Variants in CNTNAP2 observed in about 807,000 individuals in gnomAD.
The protein encoded by CNTNAP2 is contactin associated protein 2, also known as contactin-associated protein-like 2.
Under a neutral mutation model 155.2 loss-of-function variants are expected in CNTNAP2, and 98 were observed. That is an observed-to-expected ratio of 0.63 (90% CI 0.54 to 0.75). CNTNAP2 has a LOEUF of 0.75. CNTNAP2 is among the 30% of genes least tolerant of loss of function. The pLI is 0.00. For missense variants in CNTNAP2, 1,727 were observed against 1,688.1 expected (o/e 1.02, Z -0.40); for synonymous variants, 651 against 631.2 (o/e 1.03, Z -0.47).
chr7:146,251,107 A>T (rs959572457), intron 1 of CNTNAP2, among the ~76,000 whole-genome samples: 4 of 152,212 alleles, frequency 2.6e-5, no homozygotes, highest in African/African-American at 9.6e-5. Context: ...TCTAGTTTTT[A>T]TGACTAGCAG....
At chr7:147,963,633 C>T (rs1801152428) in intron 14 of CNTNAP2, among the ~76,000 whole-genome samples, 1 of 152,138 alleles carries the variant, frequency 6.6e-6, no homozygotes. Flanking sequence ...ATTCCTAAAA[C>T]ACCCAGACAC....
At chr7:147,531,091 T>C (rs1037896967) in intron 11 of CNTNAP2, among the ~76,000 whole-genome samples, 3 of 152,144 alleles carry the variant, frequency 2.0e-5, no homozygotes, top group African/African-American at 7.2e-5. Context: ...AAGGGGTGGG[T>C]TCCCATGGTC....
In CNTNAP2 at chr7:147,460,569, T is replaced by C. The variant is rs963952466; in HGVS notation, c.1671-25366T>C. On this transcript the variant is annotated intron_variant, in intron 10 of 23. Transcript: ENST00000361727. ...ACTTCCCCCTCAGCCAACTTTAATTTTGAAGTTAATCATTTTTAAATTGGG... is the reference window on the plus strand; with the variant it reads ...ACTTCCCCCTCAGCCAACTTTAATTCTGAAGTTAATCATTTTTAAATTGGG... 2.6e-5 allele frequency among the ~76,000 whole-genome samples: 4 copies of C among 152,238 alleles called. No homozygotes were observed. The East Asian group carries it at 5.8e-4, about 22-fold the overall frequency.
At chr7:147,992,447 AG>A (rs1214338138) in intron 15 of CNTNAP2, among the ~76,000 whole-genome samples, 1 of 152,136 alleles carries the variant, frequency 6.6e-6, no homozygotes, top group Non-Finnish European at 1.5e-5. Flanking sequence ...CTAATTCAAA[AG>A]TCGCCATGTG....
chr7:147,274,119 T>C (rs1483233594), intron 8 of CNTNAP2, among the ~76,000 whole-genome samples: 1 of 151,938 alleles, frequency 6.6e-6, no homozygotes, highest in Admixed American at 6.6e-5. Flanking sequence ...GTTGACTCCA[T>C]GACTTTGCTA....
At chr7:147,265,625 C>A (rs545948500) in intron 8 of CNTNAP2, among the ~76,000 whole-genome samples, 2 of 152,172 alleles carry the variant, frequency 1.3e-5, no homozygotes, top group Non-Finnish European at 2.9e-5. Context: ...GGGTTTCCCC[C>A]GAGCACAGCA....
chr7:147,107,828 A>G (rs1022371992), intron 4 of CNTNAP2, among the ~76,000 whole-genome samples: 7 of 152,166 alleles, frequency 4.6e-5, no homozygotes, highest in Admixed American at 6.6e-5. Context: ...TAAAAATTTT[A>G]CGATTTTGGT....
Position 147,903,704 on chromosome 7 carries a change from C to T in CNTNAP2, c.2238C>T (p.Asp746=), listed in dbSNP as rs375648820. ...CTDPKYYCNC[D]ADYKQWRKDA... ...ATCCCAAGTACTACTGTAACTGCGA[C>T]GCGGACTACAAGCAATGGTGAGTGC... Residue 746 remains aspartate, a synonymous_variant, in exon 14 of 24, where the codon GAC becomes GAT. Transcript: ENST00000361727. 18 of 1,613,688 alleles carry T rather than the reference C, an allele frequency of 1.1e-5. No homozygotes were observed. Among genetic ancestry groups the T allele is most frequent in the East Asian group, 6.7e-5 (3 of 44,826 alleles).
intron 8 of CNTNAP2, among the ~76,000 whole-genome samples, chr7:147,186,666 A>C (rs1802573458): frequency 6.6e-6 from 1 of 152,182 alleles, no homozygotes; most frequent in Non-Finnish European, 1.5e-5. Flanking sequence ...AGAAATATTG[A>C]CACATAAACT....
chr7:147,332,516 C>G (rs1276144641), intron 9 of CNTNAP2, among the ~76,000 whole-genome samples: 1 of 151,870 alleles, frequency 6.6e-6, no homozygotes, highest in Non-Finnish European at 1.5e-5. Flanking sequence ...TTAGCAGGGC[C>G]TCCTGGGAAG....
chr7:146,756,582 C>T (rs925195201), intron 1 of CNTNAP2, among the ~76,000 whole-genome samples: 10 of 151,976 alleles, frequency 6.6e-5, no homozygotes, highest in African/African-American at 1.7e-4. Flanking sequence ...TATATACACA[C>T]GGGCTTCCTA....
At chr7:147,051,469 T>C (rs908194709) in intron 4 of CNTNAP2, among the ~76,000 whole-genome samples, 1 of 152,012 alleles carries the variant, frequency 6.6e-6, no homozygotes, top group Admixed American at 6.6e-5. Context: ...AATAAGTTAA[T>C]AGTTTAAATA....
chr7:146,506,163 C>T (rs1797381363), intron 1 of CNTNAP2, among the ~76,000 whole-genome samples: 1 of 152,146 alleles, frequency 6.6e-6, no homozygotes. Flanking sequence ...GGTTGGCCAT[C>T]CTGCAAGGGT....
At chr7:147,250,902 C>A (rs1804182565) in intron 8 of CNTNAP2, among the ~76,000 whole-genome samples, 1 of 152,106 alleles carries the variant, frequency 6.6e-6, no homozygotes, top group Non-Finnish European at 1.5e-5. Flanking sequence ...GAACTACTGG[C>A]TATCTCATGT....
At chr7:146,550,184 A>G (rs1798093628) in intron 1 of CNTNAP2, among the ~76,000 whole-genome samples, 1 of 151,926 alleles carries the variant, frequency 6.6e-6, no homozygotes, top group Non-Finnish European at 1.5e-5. Context: ...TTTTGCACAA[A>G]CCTTCATGGC....
intron 13 of CNTNAP2, among the ~76,000 whole-genome samples, chr7:147,893,276 T>C (rs936091390): frequency 6.6e-6 from 1 of 152,206 alleles, no homozygotes; most frequent in Admixed American, 6.5e-5. Flanking sequence ...ACAGGAATTT[T>C]TGACTCCAGA....
intron 18 of CNTNAP2, among the ~76,000 whole-genome samples, chr7:148,186,687 C>T (rs962297285): frequency 6.6e-6 from 1 of 152,168 alleles, no homozygotes; most frequent in Non-Finnish European, 1.5e-5. Context: ...TCAGAAACAC[C>T]TATGCACCTT....
intron 9 of CNTNAP2, among the ~76,000 whole-genome samples, chr7:147,379,450 T>C (rs577725442): frequency 1.0e-3 from 159 of 152,202 alleles, no homozygotes; most frequent in African/African-American, 3.7e-3. Context: ...TTGTCATTAG[T>C]AATCCTATAA....
At chr7:147,085,260 G>T (rs1023898375) in intron 4 of CNTNAP2, among the ~76,000 whole-genome samples, 14 of 152,022 alleles carry the variant, frequency 9.2e-5, no homozygotes, top group Admixed American at 2.6e-4. Flanking sequence ...GTAGGTCAGG[G>T]GTTCCCAGCC....
Sources: allele counts gnomAD v4.1 joint callset (sites outside exome capture counted in the v4.1 genomes callset), GRCh38; gene constraint gnomAD v4.1.1; transcripts MANE v1.5; gene names NCBI Gene and HGNC (gene_info 2026-07-23, HGNC 2026-07-21).